Variants in GRM7 observed in about 807,000 individuals in gnomAD.
GRM7 encodes the protein glutamate metabotropic receptor 7.
A neutral mutation model predicts 84.5 loss-of-function variants in GRM7; 35 were observed. The observed-to-expected ratio is 0.41, with a 90% CI of 0.32 to 0.55. The LOEUF (loss-of-function observed/expected upper bound fraction) is 0.55. Among genes scored for constraint, GRM7 ranks in the 20% least tolerant of loss-of-function variants. The probability of loss-of-function intolerance (pLI) is 0.19; values close to 1 mark genes in which losing one functional copy is unlikely to be tolerated. For synonymous variants in GRM7, 487 were observed against 455.1 expected, an observed-to-expected ratio of 1.07 and a Z score of -0.89; for missense variants, 1,003 against 1,194.6, an observed-to-expected ratio of 0.84 and a Z score of 2.36.
chr3:7,343,623 C>T (rs1692753916), intron 4 of GRM7, among the ~76,000 whole-genome samples: 1 of 152,188 alleles, frequency 6.6e-6, no homozygotes, highest in African/African-American at 2.4e-5. Context: ...AAAGCCAACA[C>T]TTGTCATAGT....
intron 4 of GRM7, among the ~76,000 whole-genome samples, chr3:7,335,031 A>G (rs141987420): frequency 8.0e-4 from 122 of 152,204 alleles, no homozygotes; most frequent in African/African-American, 2.8e-3. Context: ...CAAAGAAACA[A>G]TGGGCTTAAG....
intron 5 of GRM7, among the ~76,000 whole-genome samples, chr3:7,434,112 C>A (rs989871152): frequency 2.0e-5 from 3 of 151,988 alleles, no homozygotes; most frequent in African/African-American, 7.2e-5. Flanking sequence ...CATCGTAATT[C>A]TTTTTCGATT....
At chr3:6,985,994 A>C (rs142341564) in intron 1 of GRM7, among the ~76,000 whole-genome samples, 1 of 152,298 alleles carries the variant, frequency 6.6e-6, no homozygotes, top group Admixed American at 6.5e-5. Context: ...AGCTCATTGT[A>C]GTTTTGATTT....
At position 7,740,644 on chromosome 3, in the gene GRM7, C is replaced by A; in HGVS notation, c.*238C>A. On this transcript the variant is annotated 3_prime_UTR_variant, in exon 10 of 10. Transcript: ENST00000357716. The stretch of plus-strand genomic sequence containing the variant: ...TGCCAACTCGGCTGCAATTGTGGAC[C>A]TTCCCTACCAAAGGGAGTGTTGAAA... 2.6e-6 allele frequency: 1 copy of A among 383,370 alleles called. No individual in the cohort carries two copies. Among genetic ancestry groups the A allele is most frequent in the Non-Finnish European group, 4.6e-6 (1 of 216,798 alleles). 23.7% of individuals were successfully genotyped at this position (383,370 alleles called of 1,614,324 possible).
intron 8 of GRM7, among the ~76,000 whole-genome samples, chr3:7,672,856 A>G (rs113728690): frequency 0.39 from 59,311 of 151,954 alleles, 12,124 homozygotes; most frequent in Non-Finnish European, 0.46. Context: ...CGGCCTCCCA[A>G]AGTGCTGGGA....
intron 1 of GRM7, among the ~76,000 whole-genome samples, chr3:6,926,127 T>A (rs1249515629): frequency 1.3e-5 from 2 of 152,142 alleles, no homozygotes; most frequent in South Asian, 4.1e-4. Flanking sequence ...GTAATTCTTA[T>A]GTCATAAAAT....
At chr3:6,978,682 A>G (rs774040937) in intron 1 of GRM7, among the ~76,000 whole-genome samples, 16 of 152,138 alleles carry the variant, frequency 1.1e-4, no homozygotes, top group Non-Finnish European at 2.2e-4. Flanking sequence ...TGACTTATCT[A>G]CATTATTTCT....
chr3:7,470,271 A>G (rs1698644793), intron 7 of GRM7, among the ~76,000 whole-genome samples: 1 of 152,210 alleles, frequency 6.6e-6, no homozygotes, highest in South Asian at 2.1e-4. Context: ...GTTTCTAAAA[A>G]TCAGCAATAA....
At position 7,158,109 on chromosome 3, in the gene GRM7, G is replaced by C. The variant is rs1358798685; in HGVS notation, c.736+11441G>C. On this transcript the variant is annotated intron_variant, in intron 2 of 9. Coordinates refer to ENST00000357716, the MANE Select transcript of GRM7 (RefSeq NM_000844.4). ...GTTGGGAAAATGCAAACTGTAGGAA[G>C]AGGACTTATTTAACACACATCTTCA... Among the ~76,000 whole-genome samples, 3 of 152,160 alleles carry C rather than the reference G, an allele frequency of 2.0e-5. No individual in the cohort carries two copies. The East Asian group carries it at 5.8e-4, about 29-fold the overall frequency.
chr3:6,874,123 G>T (rs906201080), intron 1 of GRM7, among the ~76,000 whole-genome samples: 2 of 152,130 alleles, frequency 1.3e-5, no homozygotes, highest in African/African-American at 4.8e-5. Flanking sequence ...AATAATATTA[G>T]GATGTACTGC....
Position 7,556,300 on chromosome 3 carries a change from G to A in GRM7, c.1516-22122G>A, listed in dbSNP as rs1002339811. 2.6e-5 allele frequency among the ~76,000 whole-genome samples: 4 copies of A among 152,070 alleles called. No individual in the cohort carries two copies. In the East Asian group the frequency reaches 7.7e-4, roughly 29 times the overall value. On this transcript the variant is annotated intron_variant, in intron 7 of 9. Transcript: ENST00000357716. ...TCCTAATAACATCATATTGGTGATT[G>A]GGTTTCAGCATGTGAATTTTAGGGG...
At chr3:7,549,039 TGAG>T in intron 7 of GRM7, among the ~76,000 whole-genome samples, 1 of 152,250 alleles carries the variant, frequency 6.6e-6, no homozygotes, top group Middle Eastern at 3.4e-3. Flanking sequence ...TATGTATCCT[TGAG>T]GAGAGATTTG....
At chr3:7,345,578 C>T (rs1256732308) in intron 4 of GRM7, among the ~76,000 whole-genome samples, 1 of 152,098 alleles carries the variant, frequency 6.6e-6, no homozygotes, top group African/African-American at 2.4e-5. Flanking sequence ...GCCACTGTGC[C>T]CAGCCCTCTT....
At chr3:7,638,348 C>T (rs559875323) in intron 8 of GRM7, among the ~76,000 whole-genome samples, 2 of 152,290 alleles carry the variant, frequency 1.3e-5, no homozygotes, top group African/African-American at 4.8e-5. Context: ...TGCATTTTGA[C>T]ATCAATTAAT....
intron 4 of GRM7, among the ~76,000 whole-genome samples, chr3:7,325,545 G>A (rs915097913): frequency 6.6e-6 from 1 of 152,068 alleles, no homozygotes; most frequent in East Asian, 1.9e-4. Flanking sequence ...TTTGGAGAAA[G>A]GGGCAGTCCT....
chr3:7,013,307 A>G (rs1695449646), intron 1 of GRM7, among the ~76,000 whole-genome samples: 1 of 152,094 alleles, frequency 6.6e-6, no homozygotes, highest in Non-Finnish European at 1.5e-5. Context: ...GTAAGAAAAA[A>G]TATTTTTCTC....
At chr3:6,875,487 T>A (rs1259154816) in intron 1 of GRM7, among the ~76,000 whole-genome samples, 1 of 152,154 alleles carries the variant, frequency 6.6e-6, no homozygotes, top group African/African-American at 2.4e-5. Flanking sequence ...TTGCCTGCTG[T>A]CATGTAAGGT....
chr3:7,292,781 A>G (rs534330833), intron 2 of GRM7, among the ~76,000 whole-genome samples: 230 of 149,770 alleles, frequency 1.5e-3, no homozygotes, highest in African/African-American at 5.6e-3. Context: ...CTGTAATCCC[A>G]GCACTTTTGG....
chr3:7,641,888 A>G (rs1698380812), intron 8 of GRM7, among the ~76,000 whole-genome samples: 2 of 151,986 alleles, frequency 1.3e-5, no homozygotes, highest in African/African-American at 4.8e-5. Context: ...TTGTTTTGGT[A>G]TTTTCTATGA....
Sources: gnomAD v4.1 joint callset for allele counts (sites outside exome capture counted in the v4.1 genomes callset) on GRCh38, gnomAD v4.1.1 for gene constraint, MANE v1.5 for transcripts, NCBI Gene and HGNC (gene_info 2026-07-23, HGNC 2026-07-21) for gene names.